The following CCDC68 variants were observed in gnomAD, a reference collection of about 807,000 sequenced individuals.
The protein encoded by CCDC68 is coiled-coil domain containing 68, also known as coiled-coil domain-containing protein 68.
A neutral mutation model predicts 47.1 loss-of-function variants in CCDC68; 45 were observed. The observed-to-expected ratio is 0.96, with a 90% CI of 0.75 to 1.23. CCDC68 has a LOEUF of 1.23. Ranked by LOEUF, CCDC68 falls within the 50% of genes most tolerant of loss-of-function variation. The pLI, the probability that CCDC68 is intolerant of heterozygous loss-of-function variation, is 0.00. For missense variants in CCDC68, 353 were observed against 373.6 expected (o/e 0.94, Z 0.45); for synonymous variants, 131 against 129.5 (o/e 1.01, Z -0.08).
At position 54,901,819 on chromosome 18, in the gene CCDC68, T is replaced by C. The variant is rs1913696856; in HGVS notation, c.*2539A>G. On this transcript the variant is annotated 3_prime_UTR_variant, in exon 12 of 12. Transcript: ENST00000591504. ...GAACTAGTGTTTCTTTTCCTATATT[T>C]CCTGTGAAGTACTATTTTAGCTGAA... 6.6e-6 allele frequency: 1 copy of C among 152,220 alleles called. No individual in the cohort carries two copies. Among genetic ancestry groups the C allele is most frequent in the Admixed American group, 6.5e-5 (1 of 15,284 alleles). The allele number at this position is 152,220 out of a possible 1,614,324, so 9.4% of individuals were successfully genotyped here.
rs140756689 is a variant in CCDC68, at chr18:54,927,034, A to G, written c.683+1766T>C. On this transcript the variant is annotated intron_variant, in intron 8 of 11. Transcript: ENST00000591504. ...ACTTTTCTGTCTCTTTTTTATGACCATATCTATCTAATCTTAACCTAACAG... is the reference window on the plus strand; with the variant it reads ...ACTTTTCTGTCTCTTTTTTATGACCGTATCTATCTAATCTTAACCTAACAG... Among the ~76,000 whole-genome samples the G allele has an allele frequency of 5.0e-4, 76 of 152,326 alleles. 1 individual carries two copies. The highest frequency in any genetic ancestry group is 1.7e-3 in the African/African-American group (71 of 41,590).
chr18:54,910,117 C>T (rs9956113), intron 10 of CCDC68, among the ~76,000 whole-genome samples: 125,953 of 152,142 alleles, frequency 0.83, 52,300 homozygotes, highest in East Asian at 1. Context: ...GGGCAGCTCC[C>T]TTCTGCAGCC....
Position 54,942,683 on chromosome 18 carries a change from C to T in CCDC68, c.109G>A (p.Val37Met), listed in dbSNP as rs201523279. The change falls in exon 3 of 12, where the codon GTG becomes ATG. Residue 37 changes from valine to methionine, a missense_variant. Val to Met is a conservative substitution (Grantham distance 21). Coordinates refer to ENST00000591504, the MANE Select transcript of CCDC68 (RefSeq NM_025214.3). Reference protein sequence around the residue: ...SAHIIEETEYVKKIRTTLQKI... With the variant: ...SAHIIEETEYMKKIRTTLQKI... The stretch of plus-strand genomic sequence containing the variant: ...TTCTGCTACCCACATACCTTTTTCA[C>T]ATACTCGGTTTCTTCAATAATGTGA... 4 of 1,575,132 alleles carry T rather than the reference C, an allele frequency of 2.5e-6. No individual in the cohort carries two copies. The East Asian group carries it at 6.8e-5, about 27-fold the overall frequency.
intron 1 of CCDC68, among the ~76,000 whole-genome samples, chr18:54,951,356 G>A (rs1195893039): frequency 4.6e-5 from 7 of 152,196 alleles, no homozygotes; most frequent in African/African-American, 1.7e-4. Flanking sequence ...CCCATCTGGA[G>A]AAGAGTGGGA....
rs1007164127 is a variant in CCDC68 at position 54,959,321 on chromosome 18, GC to G, written c.-103+14del. ...GCCGCAGGGACCGGGCCCGAAGGTG[GC>G]CAGACTCGCCTACCTTGTGGGGCGC... On this transcript the variant is annotated intron_variant, in intron 1 of 11. Coordinates refer to ENST00000591504, the MANE Select transcript of CCDC68 (RefSeq NM_025214.3). 1.3e-5 allele frequency: 2 copies of G among 152,386 alleles called. No individual in the cohort carries two copies. The highest frequency in any genetic ancestry group is 2.9e-5 in the Non-Finnish European group (2 of 68,170). The allele number at this position is 152,386 out of a possible 1,614,324, so 9.4% of individuals were successfully genotyped here. A position where few individuals can be genotyped will look rare whatever the true frequency, so the allele number is the denominator to read the frequency against.
Position 54,938,129 on chromosome 18 carries a change from A to G in CCDC68, c.205-32T>C, listed in dbSNP as rs748664747. On this transcript the variant is annotated intron_variant, in intron 4 of 11. Coordinates refer to ENST00000591504, the MANE Select transcript of CCDC68 (RefSeq NM_025214.3). ...CGGACAAATGAAAATCATAGACCTG[A>G]CTATCTTTTCCTCTACAAACTTTGA... 1.1e-5 allele frequency: 17 copies of G among 1,589,318 alleles called. No individual in the cohort carries two copies. In the East Asian group the frequency reaches 3.4e-4, roughly 31 times the overall value.
intron 1 of CCDC68, among the ~76,000 whole-genome samples, chr18:54,953,018 A>T (rs1270122754): frequency 6.6e-6 from 1 of 152,210 alleles, no homozygotes; most frequent in Non-Finnish European, 1.5e-5. Flanking sequence ...GTTTCAAAAA[A>T]AAAAAAGGAA....
At chr18:54,954,219 C>G (rs2044674360) in intron 1 of CCDC68, among the ~76,000 whole-genome samples, 1 of 151,850 alleles carries the variant, frequency 6.6e-6, no homozygotes, top group Non-Finnish European at 1.5e-5. Context: ...CCACACTCGG[C>G]TAATTTTTGT....
At chr18:54,931,776 C>G (rs1216092293) in intron 7 of CCDC68, among the ~76,000 whole-genome samples, 1 of 152,178 alleles carries the variant, frequency 6.6e-6, no homozygotes, top group African/African-American at 2.4e-5. Flanking sequence ...GGAATTCATT[C>G]TCACTGCATT....
Position 54,904,355 on chromosome 18 carries a change from A to T in CCDC68, c.*3T>A. On this transcript the variant is annotated 3_prime_UTR_variant, in exon 12 of 12. Coordinates refer to ENST00000591504, the MANE Select transcript of CCDC68 (RefSeq NM_025214.3). ...TTCTAAATCAGATCTTCATCCAGCC[A>T]GTTCATTTCCGTAACCTAATCAACA... 1.2e-6 allele frequency: 2 copies of T among 1,609,850 alleles called. No individual in the cohort carries two copies. Among genetic ancestry groups the T allele is most frequent in the Non-Finnish European group, 1.7e-6 (2 of 1,176,180 alleles).
At chr18:54,944,770 C>A (rs1242873481) in intron 2 of CCDC68, among the ~76,000 whole-genome samples, 1 of 152,010 alleles carries the variant, frequency 6.6e-6, no homozygotes, top group African/African-American at 2.4e-5. Flanking sequence ...CTATATTTTG[C>A]AACCCTTGAT....
At chr18:54,930,429 T>C (rs1434532094) in intron 7 of CCDC68, among the ~76,000 whole-genome samples, 4 of 152,216 alleles carry the variant, frequency 2.6e-5, no homozygotes, top group African/African-American at 9.6e-5. Flanking sequence ...CAATATATAA[T>C]AATTTGAAGG....
intron 7 of CCDC68, among the ~76,000 whole-genome samples, chr18:54,930,661 TCCTTCCTTCCTTCCCTCCCTC>T (rs2044235523): frequency 1.3e-4 from 1 of 7,708 alleles, no homozygotes; most frequent in Admixed American, 1.3e-3. Context: ...CTCCCTTCCT[TCCTTCCTTCCTTCCCTCCCTC>T]CCTCCCTCCC....
intron 7 of CCDC68, among the ~76,000 whole-genome samples, chr18:54,932,486 T>C (rs1444676197): frequency 1.3e-5 from 2 of 152,238 alleles, no homozygotes; most frequent in East Asian, 3.9e-4. Flanking sequence ...CCACCACACC[T>C]GGCCTAAATC....
At chr18:54,930,778 G>T (rs1292995321) in intron 7 of CCDC68, among the ~76,000 whole-genome samples, 1 of 149,668 alleles carries the variant, frequency 6.7e-6, no homozygotes, top group Admixed American at 6.7e-5. Flanking sequence ...GAGTGCAATG[G>T]TGCGATCCTG....
intron 8 of CCDC68, among the ~76,000 whole-genome samples, chr18:54,926,274 G>A (rs2044143297): frequency 6.6e-6 from 1 of 152,198 alleles, no homozygotes; most frequent in Non-Finnish European, 1.5e-5. Flanking sequence ...CAGGGCTGGG[G>A]AGGCCTCAGG....
intron 8 of CCDC68, among the ~76,000 whole-genome samples, chr18:54,926,323 C>T (rs2044144066): frequency 6.6e-6 from 1 of 152,204 alleles, no homozygotes; most frequent in Admixed American, 6.5e-5. Flanking sequence ...TAAACATGTC[C>T]TTCTTCACAT....
rs774082821 is a variant in CCDC68 at position 54,928,826 on chromosome 18, G to A, written c.657C>T (p.Leu219=). The A allele has an allele frequency of 6.2e-7, 1 of 1,612,308 alleles. No individual in the cohort carries two copies. Among genetic ancestry groups the A allele is most frequent in the African/African-American group, 1.3e-5 (1 of 75,024 alleles). Residue 219 remains leucine, a synonymous_variant, in exon 8 of 12, where the codon CTC becomes CTT. Coordinates refer to ENST00000591504, the MANE Select transcript of CCDC68 (RefSeq NM_025214.3). The part of the protein sequence containing the change: ...KLSLENKLLQ[L]KSSATYGKSC... Reference sequence around the variant, plus strand: ...TTTTTCCATATGTAGCACTGGATTTGAGTTGCAGTAGCTTGTTTTCCAAAG... The same window carrying A: ...TTTTTCCATATGTAGCACTGGATTTAAGTTGCAGTAGCTTGTTTTCCAAAG...
chr18:54,945,626 C>G (rs1283294176), intron 1 of CCDC68, 149 bp from the exon 2 acceptor site: 1 of 152,130 alleles, frequency 6.6e-6, no homozygotes, highest in East Asian at 1.9e-4. Flanking sequence ...CTGCATTTAT[C>G]CTTTAATCTT....
Sources: allele counts gnomAD v4.1 joint callset (sites outside exome capture counted in the v4.1 genomes callset), GRCh38; gene constraint gnomAD v4.1.1; transcripts MANE v1.5; gene names NCBI Gene and HGNC (gene_info 2026-07-23, HGNC 2026-07-21).